Variants in EYS observed in about 807,000 individuals in gnomAD.
EYS encodes protein eyes shut homolog.
In EYS, 250 loss-of-function variants were observed where a neutral mutation model predicts 282.1. The ratio of observed to expected loss-of-function variants is 0.89; its 90% confidence interval spans 0.80 to 0.98. EYS has a LOEUF of 0.98. EYS is among the 50% of genes least tolerant of loss of function. EYS has a pLI of 0.00. For missense variants in EYS, 4,016 were observed against 3,709.0 expected (o/e 1.08, Z -2.15); for synonymous variants, 1,355 against 1,282.9 (o/e 1.06, Z -1.20).
chr6:63,865,390 GC>G (rs1180523117), intron 35 of EYS, among the ~76,000 whole-genome samples: 1 of 151,994 alleles, frequency 6.6e-6, no homozygotes, highest in Non-Finnish European at 1.5e-5. Context: ...ATATTCCACT[GC>G]TTTTACATTT....
intron 30 of EYS, among the ~76,000 whole-genome samples, chr6:64,293,986 A>G (rs147328281): frequency 3.3e-4 from 50 of 152,312 alleles, no homozygotes; most frequent in African/African-American, 9.9e-4. Flanking sequence ...ATATGTGATA[A>G]TAAAATTTTT....
intron 39 of EYS, among the ~76,000 whole-genome samples, chr6:63,784,173 A>C (rs1293254357): frequency 6.6e-6 from 1 of 152,068 alleles, no homozygotes; most frequent in African/African-American, 2.4e-5. Flanking sequence ...CTGGAGCTAC[A>C]CATCAATTAT....
intron 5 of EYS, among the ~76,000 whole-genome samples, chr6:65,450,513 C>T (rs1461622379): frequency 6.6e-6 from 1 of 152,028 alleles, no homozygotes; most frequent in Non-Finnish European, 1.5e-5. Context: ...CATATGGTGA[C>T]CAGAAACTTA....
At chr6:63,778,244 G>T (rs1770117126) in intron 39 of EYS, 64 bp from the exon 40 acceptor site, 2 of 1,458,456 alleles carry the variant, frequency 1.4e-6, no homozygotes, top group Non-Finnish European at 1.9e-6. Flanking sequence ...CAAGAAGAAG[G>T]TTATTTTTCA....
intron 31 of EYS, among the ~76,000 whole-genome samples, chr6:64,114,120 G>C (rs1362580031): frequency 2.0e-5 from 3 of 151,984 alleles, no homozygotes; most frequent in Non-Finnish European, 4.4e-5. Flanking sequence ...GTGGTAAATA[G>C]ATTGAAAAAA....
At chr6:65,484,147 A>AG (rs1331489690) in intron 5 of EYS, among the ~76,000 whole-genome samples, 1 of 152,056 alleles carries the variant, frequency 6.6e-6, no homozygotes, top group African/African-American at 2.4e-5. Flanking sequence ...CAAAAAAAAA[A>AG]AACCCTATTA....
intron 35 of EYS, among the ~76,000 whole-genome samples, chr6:63,879,346 T>C (rs1036966962): frequency 1.3e-5 from 2 of 152,180 alleles, no homozygotes; most frequent in Middle Eastern, 3.2e-3. Flanking sequence ...TAATTAGGCT[T>C]TTATTATAAT....
intron 14 of EYS, among the ~76,000 whole-genome samples, chr6:64,972,637 A>G (rs1169221872): frequency 6.6e-6 from 1 of 152,116 alleles, no homozygotes. Flanking sequence ...TATTTTCTCT[A>G]GCTTACTTTA....
intron 2 of EYS, among the ~76,000 whole-genome samples, chr6:65,511,385 G>A (rs976767677): frequency 1.3e-5 from 2 of 151,334 alleles, no homozygotes; most frequent in Non-Finnish European, 2.9e-5. Flanking sequence ...GAGAGAGAGA[G>A]AAAAGAGAGA....
At chr6:64,472,924 A>G (rs1776160611) in intron 26 of EYS, among the ~76,000 whole-genome samples, 1 of 152,178 alleles carries the variant, frequency 6.6e-6, no homozygotes, top group Non-Finnish European at 1.5e-5. Context: ...GAAAGATGAA[A>G]GACTGTACTT....
chr6:64,699,572 T>C (rs1338112174), intron 22 of EYS, among the ~76,000 whole-genome samples: 1 of 152,094 alleles, frequency 6.6e-6, no homozygotes, highest in African/African-American at 2.4e-5. Flanking sequence ...AACAACTATA[T>C]ATACCCACAA....
chr6:64,860,965 T>C (rs1766217008), intron 19 of EYS, among the ~76,000 whole-genome samples: 1 of 152,172 alleles, frequency 6.6e-6, no homozygotes, highest in African/African-American at 2.4e-5. Context: ...GATTGGACTA[T>C]GGGTGGCTAT....
chr6:65,689,388 G>A lies in EYS; in HGVS notation c.-448+17747C>T, dbSNP rs532938025. Among the ~76,000 whole-genome samples, 25 of 149,696 alleles carry A rather than the reference G, an allele frequency of 1.7e-4. 1 individual carries two copies. The highest frequency in any genetic ancestry group is 5.8e-4 in the African/African-American group (24 of 41,136). ...GGGGCCTGTTGTGGAGTGGGGGTAG[G>A]GGGGAGGGATAGCATTTGGAGATAT... On this transcript the variant is annotated intron_variant, in intron 1 of 42. Coordinates refer to ENST00000503581, the MANE Select transcript of EYS (RefSeq NM_001142800.2).
chr6:64,681,471 T>C (rs538072074), intron 22 of EYS, among the ~76,000 whole-genome samples: 20 of 152,266 alleles, frequency 1.3e-4, no homozygotes, highest in African/African-American at 4.8e-4. Context: ...AGCTGTTTGA[T>C]GTAGCTCAAA....
intron 5 of EYS, among the ~76,000 whole-genome samples, chr6:65,487,134 A>T (rs1479296222): frequency 6.6e-6 from 1 of 151,034 alleles, no homozygotes; most frequent in Non-Finnish European, 1.5e-5. Context: ...AGACAATTTG[A>T]CTTCCTCTCT....
At chr6:64,655,446 CATATT>C in intron 22 of EYS, among the ~76,000 whole-genome samples, 1 of 152,010 alleles carries the variant, frequency 6.6e-6, no homozygotes, top group South Asian at 2.1e-4. Context: ...ATATCTAATG[CATATT>C]ATATATTTGA....
intron 2 of EYS, among the ~76,000 whole-genome samples, chr6:65,580,716 T>C (rs1337020544): frequency 6.6e-6 from 1 of 152,080 alleles, no homozygotes; most frequent in Non-Finnish European, 1.5e-5. Flanking sequence ...CATAATTGGA[T>C]ACAATTTTAA....
intron 26 of EYS, among the ~76,000 whole-genome samples, chr6:64,444,094 T>C (rs1397142763): frequency 2.9e-5 from 4 of 139,250 alleles, no homozygotes; most frequent in Non-Finnish European, 6.4e-5. Context: ...CTTATTCCTC[T>C]CATGAAATTA....
chr6:65,254,903 A>T (rs533934585), intron 12 of EYS, among the ~76,000 whole-genome samples: 56 of 152,068 alleles, frequency 3.7e-4, no homozygotes, highest in African/African-American at 1.2e-3. Flanking sequence ...ATGAATTTAC[A>T]CATTTTTAAA....
Sources: allele counts gnomAD v4.1 joint callset (sites outside exome capture counted in the v4.1 genomes callset), GRCh38; gene constraint gnomAD v4.1.1; transcripts MANE v1.5; gene names NCBI Gene and HGNC (gene_info 2026-07-23, HGNC 2026-07-21).